Variants in TPM4 observed in about 807,000 individuals in gnomAD.
TPM4 encodes tropomyosin alpha-4 chain.
Under a neutral mutation model 35.8 loss-of-function variants are expected in TPM4, and 17 were observed. The ratio of observed to expected loss-of-function variants is 0.47; its 90% CI spans 0.32 to 0.71. TPM4 has a LOEUF of 0.71. TPM4 is among the 30% of genes least tolerant of loss of function. TPM4 has a pLI of 0.03. For missense variants in TPM4, 240 were observed against 320.9 expected (o/e 0.75, Z 1.93); for synonymous variants, 120 against 122.9 (o/e 0.98, Z 0.15).
At chr19:16,086,749 A>G (rs1455256368) in intron 3 of TPM4, among the ~76,000 whole-genome samples, 1 of 152,150 alleles carries the variant, frequency 6.6e-6, no homozygotes, top group Non-Finnish European at 1.5e-5. Flanking sequence ...GTCTAACGTA[A>G]TGGGAAAACC....
At chr19:16,079,306 T>C (rs1274571967) in intron 1 of TPM4, among the ~76,000 whole-genome samples, 3 of 152,206 alleles carry the variant, frequency 2.0e-5, no homozygotes, top group African/African-American at 7.2e-5. Flanking sequence ...GTTTGTTTGT[T>C]TGTCTTTGGC....
At chr19:16,075,847 A>T, upstream of TPM4, 1 of 774,354 alleles carries the variant, frequency 1.3e-6, no homozygotes, top group Non-Finnish European at 2.0e-6. Context: ...CCTCAGGACG[A>T]GGGAAAGATG....
At chr19:16,076,016 G>A, upstream of TPM4, 2 of 1,559,534 alleles carry the variant, frequency 1.3e-6, no homozygotes, top group Non-Finnish European at 1.7e-6. Flanking sequence ...CCCCCCCCAG[G>A]CTGACCCGTT....
rs1442047413 is a variant in TPM4 at position 16,102,923 on chromosome 19, C to T, written c.*1577C>T. On this transcript the variant is annotated 3_prime_UTR_variant, in exon 8 of 8. Coordinates refer to ENST00000643579, the MANE Select transcript of TPM4 (RefSeq NM_003290.3). ...ATTGTGCAATGGAATAAAATCCACACTTTAGATTCTTGCAACTGTATCATA... is the reference window on the plus strand; with the variant it reads ...ATTGTGCAATGGAATAAAATCCACATTTTAGATTCTTGCAACTGTATCATA... 4.7e-6 allele frequency: 1 copy of T among 212,324 alleles called. No individual in the cohort carries two copies. The highest frequency in any genetic ancestry group is 9.5e-6 in the Non-Finnish European group (1 of 105,476). 13.2% of individuals were successfully genotyped at this position (212,324 alleles called of 1,614,324 possible). A position where few individuals can be genotyped will look rare whatever the true frequency, so the allele number is the denominator to read the frequency against.
At chr19:16,090,914 GCCT>G (rs1378442520) in intron 5 of TPM4, among the ~76,000 whole-genome samples, 1 of 148,050 alleles carries the variant, frequency 6.8e-6, no homozygotes, top group East Asian at 2.0e-4. Context: ...TGATCCACCT[GCCT>G]CTGTCTCCCA....
intron 2 of TPM4, among the ~76,000 whole-genome samples, chr19:16,084,513 A>T (rs1398231757): frequency 6.6e-6 from 1 of 152,154 alleles, no homozygotes; most frequent in Non-Finnish European, 1.5e-5. Context: ...GCTGACGTTG[A>T]GGGCTCCCAT....
intron 5 of TPM4, 98 bp downstream of exon 5, chr19:16,089,218 C>G: frequency 6.7e-7 from 1 of 1,502,078 alleles, no homozygotes; most frequent in Non-Finnish European, 9.1e-7. Flanking sequence ...GGAATCTGCC[C>G]TTTATTTAAC....
intron 7 of TPM4, chr19:16,095,519 C>T (rs1364155574): frequency 9.8e-7 from 1 of 1,017,310 alleles, no homozygotes; most frequent in Non-Finnish European, 1.2e-6. Context: ...TTCATGCCCC[C>T]TCATTCTCAT....
chr19:16,081,231 G>T, intron 1 of TPM4: 1 of 395,392 alleles, frequency 2.5e-6, no homozygotes, highest in Non-Finnish European at 4.5e-6. Context: ...AACTCTCTAC[G>T]TGGTAACACT....
chr19:16,076,995 A>C, intron 1 of TPM4: 1 of 383,792 alleles, frequency 2.6e-6, no homozygotes. Flanking sequence ...CGGGTGGAGA[A>C]GTGGAGCGGC....
At chr19:16,095,360 C>T (rs763541442) in intron 7 of TPM4, 6 of 1,035,688 alleles carry the variant, frequency 5.8e-6, no homozygotes, top group African/African-American at 1.7e-5. Flanking sequence ...GCAGCCAGGT[C>T]GCTGCCCTCT....
At chr19:16,092,590 C>T (rs573302388) in intron 5 of TPM4, among the ~76,000 whole-genome samples, 131 of 151,104 alleles carry the variant, frequency 8.7e-4, no homozygotes, top group African/African-American at 3.0e-3. Flanking sequence ...GGCTGGAGTG[C>T]GGTGGCGCCA....
chr19:16,097,027 C>G (rs2090709009), intron 7 of TPM4, among the ~76,000 whole-genome samples: 1 of 137,944 alleles, frequency 7.2e-6, no homozygotes, highest in Non-Finnish European at 1.5e-5. Context: ...CATCTTGGCT[C>G]ACTGCAACCT....
chr19:16,086,630 A>G, intron 3 of TPM4, 90 bp downstream of exon 3: 7 of 1,102,086 alleles, frequency 6.4e-6, no homozygotes, highest in Non-Finnish European at 8.0e-6. Context: ...AACGAAAGGA[A>G]GCTCTCGGTT....
intron 7 of TPM4, 104 bp from the exon 8 acceptor site, chr19:16,101,160 G>A: frequency 2.1e-6 from 2 of 958,042 alleles, no homozygotes; most frequent in Non-Finnish European, 3.0e-6. Context: ...GACAGAATGA[G>A]ACCCTGTCTC....
chr19:16,098,276 C>T (rs951117938), intron 7 of TPM4, among the ~76,000 whole-genome samples: 3 of 151,966 alleles, frequency 2.0e-5, no homozygotes, highest in Admixed American at 6.6e-5. Context: ...AACTCTGTCT[C>T]TACTAAAAAT....
At chr19:16,076,149 C>T, upstream of TPM4, 1 of 1,567,142 alleles carries the variant, frequency 6.4e-7, no homozygotes, top group East Asian at 2.4e-5. Context: ...GAAGCTGGAG[C>T]TCACGGAGAA....
At chr19:16,092,736 A>C (rs1272495236) in intron 5 of TPM4, among the ~76,000 whole-genome samples, 1 of 152,132 alleles carries the variant, frequency 6.6e-6, no homozygotes, top group Non-Finnish European at 1.5e-5. Flanking sequence ...GCGTTTCGCC[A>C]TGTTGGCCAG....
chr19:16,077,058 G>A (rs894779660), intron 1 of TPM4: 26 of 197,970 alleles, frequency 1.3e-4, no homozygotes, highest in Admixed American at 6.1e-4. Flanking sequence ...CCGGGGTCCC[G>A]GGCCGAGGGG....
Sources: allele counts gnomAD v4.1 joint callset (sites outside exome capture counted in the v4.1 genomes callset), GRCh38; gene constraint gnomAD v4.1.1; transcripts MANE v1.5; gene names NCBI Gene and HGNC (gene_info 2026-07-23, HGNC 2026-07-21).